The following NEK7 variants were observed in gnomAD, a reference collection of about 807,000 sequenced individuals.
NEK7 encodes NIMA related kinase 7.
A neutral mutation model predicts 44.6 loss-of-function variants in NEK7; 18 were observed. The observed-to-expected ratio is 0.40, with a 90% CI of 0.28 to 0.60. The LOEUF (loss-of-function observed/expected upper bound fraction) is 0.60, where lower values mean the gene tolerates loss of function less well. Among genes scored for constraint, NEK7 ranks in the 20% least tolerant of loss-of-function variants. NEK7 has a pLI of 0.38. For missense variants in NEK7, 256 were observed against 366.5 expected, an observed-to-expected ratio of 0.70 and a Z score of 2.46; for synonymous variants, 130 against 121.1, an observed-to-expected ratio of 1.07 and a Z score of -0.48.
chr1:198,168,954 A>G (rs1664349758), intron 1 of NEK7, among the ~76,000 whole-genome samples: 1 of 152,202 alleles, frequency 6.6e-6, no homozygotes, highest in Non-Finnish European at 1.5e-5. Context: ...TGGGAAAGGA[A>G]TATGGGGAAG....
chr1:198,317,877 A>ATTTTTGTTTTTTT (rs537862004), intron 9 of NEK7, among the ~76,000 whole-genome samples: 2 of 70,264 alleles, frequency 2.8e-5, no homozygotes, highest in East Asian at 5.0e-4. Context: ...GGATATATTT[A>ATTTTTGTTTTTTT]TTTTTTTTTT....
intron 9 of NEK7, among the ~76,000 whole-genome samples, chr1:198,307,173 T>C (rs916443061): frequency 6.6e-6 from 1 of 152,112 alleles, no homozygotes; most frequent in African/African-American, 2.4e-5. Context: ...GCAAATTAGT[T>C]TCTGCTTATA....
intron 2 of NEK7, among the ~76,000 whole-genome samples, chr1:198,244,409 AT>A (rs1382291205): frequency 1.3e-5 from 2 of 152,150 alleles, no homozygotes; most frequent in Non-Finnish European, 2.9e-5. Flanking sequence ...TTGCCTTCAA[AT>A]TTAAAGCAAA....
At chr1:198,238,995 C>G (rs965499354) in intron 2 of NEK7, among the ~76,000 whole-genome samples, 5 of 152,126 alleles carry the variant, frequency 3.3e-5, no homozygotes, top group Admixed American at 2.0e-4. Context: ...TCAGTGTTCT[C>G]TTGATTTTGC....
intron 3 of NEK7, among the ~76,000 whole-genome samples, chr1:198,260,223 T>G (rs1357457443): frequency 1.3e-5 from 2 of 152,124 alleles, no homozygotes; most frequent in African/African-American, 4.8e-5. Context: ...TTTCCTTCCT[T>G]CCATAAATAG....
intron 1 of NEK7, among the ~76,000 whole-genome samples, chr1:198,220,483 G>T (rs970151410): frequency 6.6e-6 from 1 of 152,036 alleles, no homozygotes; most frequent in African/African-American, 2.4e-5. Flanking sequence ...TCAAAGATCT[G>T]ATAGTTATCC....
chr1:198,205,703 A>T (rs947022582), intron 1 of NEK7, among the ~76,000 whole-genome samples: 2 of 152,130 alleles, frequency 1.3e-5, no homozygotes, highest in African/African-American at 4.8e-5. Flanking sequence ...CCTAAGGTAC[A>T]GTCTCAGATT....
At chr1:198,295,806 C>CTATTATTATTAT (rs35583566) in intron 8 of NEK7, among the ~76,000 whole-genome samples, 26 of 146,434 alleles carry the variant, frequency 1.8e-4, no homozygotes, top group African/African-American at 4.0e-4. Context: ...ACAAAAACCA[C>CTATTATTATTAT]TATTATTATT....
intron 3 of NEK7, among the ~76,000 whole-genome samples, chr1:198,259,654 T>C (rs184288067): frequency 2.2e-4 from 34 of 152,262 alleles, no homozygotes; most frequent in Admixed American, 1.6e-3. Flanking sequence ...ATAACTAATA[T>C]CAAGTTCAAA....
chr1:198,224,948 A>T (rs1243796887), intron 1 of NEK7, among the ~76,000 whole-genome samples: 2 of 152,286 alleles, frequency 1.3e-5, no homozygotes, highest in East Asian at 3.9e-4. Flanking sequence ...TGGAAACACC[A>T]AGTGGACAGT....
At chr1:198,198,794 C>G (rs12403858) in intron 1 of NEK7, among the ~76,000 whole-genome samples, 24,098 of 152,258 alleles carry the variant, frequency 0.16, 2,571 homozygotes, top group East Asian at 0.58. Flanking sequence ...CCTCTCCCCA[C>G]AATTCGTCGG....
At chr1:198,262,852 T>C (rs1366285738) in intron 4 of NEK7, among the ~76,000 whole-genome samples, 7 of 151,900 alleles carry the variant, frequency 4.6e-5, no homozygotes, top group Non-Finnish European at 8.8e-5. Flanking sequence ...GGACCAGCTT[T>C]TTTTTCTCAT....
At chr1:198,303,138 A>C (rs977816432) in intron 9 of NEK7, among the ~76,000 whole-genome samples, 14 of 152,202 alleles carry the variant, frequency 9.2e-5, no homozygotes, top group Admixed American at 9.2e-4. Context: ...GAAAGGAAAG[A>C]ATGAGGAAAC....
At chr1:198,210,634 A>G (rs928840185) in intron 1 of NEK7, among the ~76,000 whole-genome samples, 2 of 151,384 alleles carry the variant, frequency 1.3e-5, no homozygotes, top group African/African-American at 4.9e-5. Context: ...CATTTTTTCT[A>G]GAAAGGTTAT....
chr1:198,271,424 T>G (rs1228548996), intron 5 of NEK7, among the ~76,000 whole-genome samples: 1 of 152,054 alleles, frequency 6.6e-6, no homozygotes, highest in Non-Finnish European at 1.5e-5. Context: ...TCAACCATGT[T>G]TTGGAGATAA....
intron 1 of NEK7, among the ~76,000 whole-genome samples, chr1:198,231,338 A>ATATATATAT (rs1399954083): frequency 2.0e-4 from 22 of 112,682 alleles, no homozygotes; most frequent in Non-Finnish European, 3.0e-4. Flanking sequence ...TATATATATA[A>ATATATATAT]AAACACATGA....
intron 2 of NEK7, among the ~76,000 whole-genome samples, chr1:198,249,348 CAT>C (rs950579593): frequency 7.2e-5 from 11 of 152,198 alleles, no homozygotes; most frequent in Admixed American, 7.2e-4. Flanking sequence ...CTGCAATAAA[CAT>C]ATGTGTGCAT....
intron 1 of NEK7, among the ~76,000 whole-genome samples, chr1:198,210,776 G>T (rs1442499818): frequency 1.0e-5 from 1 of 99,886 alleles, no homozygotes; most frequent in African/African-American, 3.8e-5. Context: ...TTTTTGAGAC[G>T]GAGTCTCGCT....
intron 5 of NEK7, among the ~76,000 whole-genome samples, chr1:198,268,206 C>T (rs1255085905): frequency 6.6e-6 from 1 of 150,392 alleles, no homozygotes; most frequent in East Asian, 2.0e-4. Flanking sequence ...GATTCAATTA[C>T]TCTCTATACT....
Sources: allele counts gnomAD v4.1 joint callset (sites outside exome capture counted in the v4.1 genomes callset), GRCh38; gene constraint gnomAD v4.1.1; transcripts MANE v1.5; gene names NCBI Gene and HGNC (gene_info 2026-07-23, HGNC 2026-07-21).